Variants in CPS1 observed in about 807,000 individuals in gnomAD.
CPS1 encodes the protein carbamoyl-phosphate synthase [ammonia], mitochondrial.
A neutral mutation model predicts 174.6 loss-of-function variants in CPS1; 109 were observed. The ratio of observed to expected loss-of-function variants is 0.62; its 90% confidence interval spans 0.53 to 0.73. The LOEUF is 0.73. CPS1 is among the 30% of genes least tolerant of loss of function. The probability of loss-of-function intolerance (pLI) is 0.00; values close to 1 mark genes in which losing one functional copy is unlikely to be tolerated. For missense variants in CPS1, 1,689 were observed against 1,821.9 expected (o/e 0.93, Z 1.33); for synonymous variants, 637 against 632.0 (o/e 1.01, Z -0.12).
chr2:210,486,866 A>C (rs960727789), intron 1 of CPS1, among the ~76,000 whole-genome samples: 2 of 152,080 alleles, frequency 1.3e-5, no homozygotes, highest in African/African-American at 2.4e-5. Flanking sequence ...TGCCTTCCTC[A>C]CACTCTGGCT....
chr2:210,554,160 C>T (rs6745035), upstream of CPS1, among the ~76,000 whole-genome samples: 4 of 118,478 alleles, frequency 3.4e-5, no homozygotes, highest in East Asian at 2.3e-4. Context: ...TATACACACA[C>T]ATATACATAT....
chr2:210,620,662 A>T (rs1245306160), intron 21 of CPS1, among the ~76,000 whole-genome samples: 7 of 152,034 alleles, frequency 4.6e-5, no homozygotes, highest in Non-Finnish European at 8.8e-5. Context: ...CCAGCCAGAG[A>T]GAGGGAGTCG....
chr2:210,515,981 A>G (rs1281558902), intron 1 of CPS1, among the ~76,000 whole-genome samples: 1 of 151,806 alleles, frequency 6.6e-6, no homozygotes, highest in Non-Finnish European at 1.5e-5. Flanking sequence ...TAGGAGGAGC[A>G]GGGTGTTATT....
At chr2:210,572,693 T>C (rs187570999) in intron 1 of CPS1, among the ~76,000 whole-genome samples, 1 of 152,164 alleles carries the variant, frequency 6.6e-6, no homozygotes, top group Non-Finnish European at 1.5e-5. Flanking sequence ...AATATACTTC[T>C]AGAATGTTCC....
intron 1 of CPS1, chr2:210,519,688 C>T: frequency 2.1e-6 from 2 of 952,886 alleles, no homozygotes; most frequent in Non-Finnish European, 2.5e-6. Context: ...ACCCAAGCCC[C>T]ACCAGTCAGA....
chr2:210,567,694 CT>C (rs1207621878), intron 1 of CPS1, among the ~76,000 whole-genome samples: 2 of 152,024 alleles, frequency 1.3e-5, no homozygotes, highest in Non-Finnish European at 2.9e-5. Flanking sequence ...TTTGGGTCTT[CT>C]TCTGAAGGCA....
intron 34 of CPS1, 21 bp downstream of exon 34, chr2:210,668,305 T>G: frequency 6.6e-7 from 1 of 1,522,734 alleles, no homozygotes; most frequent in Non-Finnish European, 9.1e-7. Flanking sequence ...TGTGGCTGTG[T>G]GCTTGCCCAT....
intron 1 of CPS1, among the ~76,000 whole-genome samples, chr2:210,523,792 G>A (rs1462280835): frequency 6.6e-6 from 1 of 151,982 alleles, no homozygotes; most frequent in Admixed American, 6.6e-5. Flanking sequence ...TGCAGTGGGT[G>A]TGCCTGAAGG....
Position 210,666,624 on chromosome 2 carries a change from A to T in CPS1, c.4003-1562A>T, listed in dbSNP as rs573093954. 3.3e-5 allele frequency among the ~76,000 whole-genome samples: 5 copies of T among 152,078 alleles called. No individual in the cohort carries two copies. In the South Asian group the frequency reaches 1.0e-3, roughly 32 times the overall value. On this transcript the variant is annotated intron_variant, in intron 33 of 37. Coordinates refer to ENST00000233072, the MANE Select transcript of CPS1 (RefSeq NM_001875.5). ...CTTGTTTTTCTCAGGTTTGTCAAAG[A>T]TCAGATAGTTGTAGATATGCGGCGT... is the stretch of plus-strand genomic sequence containing the variant.
chr2:210,491,740 T>C (rs1424133891), intron 1 of CPS1, among the ~76,000 whole-genome samples: 1 of 152,176 alleles, frequency 6.6e-6, no homozygotes, highest in Admixed American at 6.5e-5. Flanking sequence ...CTTGAACAGA[T>C]CTGTCAGCCC....
chr2:210,633,702 G>C (rs1699941306), intron 21 of CPS1, among the ~76,000 whole-genome samples: 1 of 152,052 alleles, frequency 6.6e-6, no homozygotes, highest in African/African-American at 2.4e-5. Flanking sequence ...TTGAAAACCT[G>C]ACTGGTATTC....
chr2:210,545,377 GT>G lies in CPS1; in HGVS notation c.4-11341del, dbSNP rs1696533367. On this transcript the variant is annotated intron_variant, in intron 1 of 38. Transcript: ENST00000430249. ...TTTATTATTCCTGAGTTTTAAACCCGTGTAACTTTAATATAACTTTGGTATG... is the reference window on the plus strand; with the variant it reads ...TTTATTATTCCTGAGTTTTAAACCCGGTAACTTTAATATAACTTTGGTATG... Among the ~76,000 whole-genome samples the G allele has an allele frequency of 2.6e-5, 4 of 152,082 alleles. No homozygotes were observed. The South Asian group carries it at 8.3e-4, about 32-fold the overall frequency.
chr2:210,642,355 G>T (rs1479272766), intron 24 of CPS1, 129 bp from the exon 25 acceptor site: 1 of 1,122,988 alleles, frequency 8.9e-7, no homozygotes, highest in Non-Finnish European at 1.3e-6. Flanking sequence ...ATATCTTGGA[G>T]TTTAAAAAAT....
intron 1 of CPS1, among the ~76,000 whole-genome samples, chr2:210,538,188 GT>G (rs1301338480): frequency 6.6e-6 from 1 of 152,022 alleles, no homozygotes; most frequent in Non-Finnish European, 1.5e-5. Context: ...CATTTTCAGA[GT>G]TTTTTATGTT....
At chr2:210,646,468 A>C (rs865828496) in intron 25 of CPS1, among the ~76,000 whole-genome samples, 2 of 152,160 alleles carry the variant, frequency 1.3e-5, no homozygotes, top group African/African-American at 4.8e-5. Flanking sequence ...AATTGCTCTC[A>C]TCAGACAGAA....
chr2:210,497,429 G>A (rs1695016981), intron 1 of CPS1, among the ~76,000 whole-genome samples: 1 of 152,072 alleles, frequency 6.6e-6, no homozygotes, highest in African/African-American at 2.4e-5. Context: ...TGGGGGTAAT[G>A]AGCAGGTTTG....
chr2:210,506,051 C>T (rs1007623744), intron 1 of CPS1, among the ~76,000 whole-genome samples: 1 of 152,112 alleles, frequency 6.6e-6, no homozygotes, highest in African/African-American at 2.4e-5. Flanking sequence ...GTTCTCCCAG[C>T]ATGCAGCTGG....
chr2:210,509,156 G>A (rs2105972346), intron 1 of CPS1, among the ~76,000 whole-genome samples: 1 of 152,268 alleles, frequency 6.6e-6, no homozygotes, highest in South Asian at 2.1e-4. Context: ...ACCGAATCCA[G>A]CAGCACATCA....
intron 1 of CPS1, among the ~76,000 whole-genome samples, chr2:210,482,996 C>T (rs1422052920): frequency 2.0e-5 from 3 of 152,206 alleles, no homozygotes; most frequent in South Asian, 4.1e-4. Context: ...CAACCAGAAA[C>T]TTAAACATAT....
Sources: allele counts gnomAD v4.1 joint callset (sites outside exome capture counted in the v4.1 genomes callset), GRCh38; gene constraint gnomAD v4.1.1; transcripts MANE v1.5; gene names NCBI Gene and HGNC (gene_info 2026-07-23, HGNC 2026-07-21).